TRMO: variants seen among roughly 807,000 people sequenced by gnomAD.
TRMO encodes tRNA methyltransferase O, also known as tRNA (adenine(37)-N6)-methyltransferase.
In TRMO, 30 loss-of-function variants were observed where a neutral mutation model predicts 37.2. The ratio of observed to expected loss-of-function variants is 0.81; its 90% CI spans 0.60 to 1.09. The LOEUF (loss-of-function observed/expected upper bound fraction) is 1.09, where lower values mean the gene tolerates loss of function less well. Ranked by LOEUF, TRMO falls within the 50% of genes least tolerant of loss-of-function variation. The pLI, the probability that TRMO is intolerant of heterozygous loss-of-function variation, is 0.00. For synonymous variants in TRMO, 239 were observed against 199.4 expected (o/e 1.20, Z -1.67); for missense variants, 552 against 549.5 (o/e 1.00, Z -0.05).
intron 1 of TRMO, among the ~76,000 whole-genome samples, chr9:97,921,950 G>A (rs763027716): frequency 5.9e-5 from 9 of 151,960 alleles, no homozygotes; most frequent in Admixed American, 2.0e-4. Context: ...CTATGAAAAC[G>A]TGTGAGTAAA....
At chr9:97,911,613 A>G (rs1826127855) in intron 3 of TRMO, 1 of 152,324 alleles carries the variant, frequency 6.6e-6, no homozygotes, top group East Asian at 1.9e-4. Flanking sequence ...CACATAATAC[A>G]TGTGTGTTGT....
At chr9:97,919,817 C>T (rs1826542182) in intron 1 of TRMO, among the ~76,000 whole-genome samples, 1 of 152,182 alleles carries the variant, frequency 6.6e-6, no homozygotes, top group South Asian at 2.1e-4. Flanking sequence ...CCTCTTTGTG[C>T]ATCTCCTTAA....
intron 4 of TRMO, among the ~76,000 whole-genome samples, chr9:97,908,391 G>A (rs912373880): frequency 9.3e-5 from 13 of 139,154 alleles, no homozygotes; most frequent in South Asian, 4.5e-4. Context: ...CAGCCTGGGC[G>A]ACAGAGCGAG....
intron 1 of TRMO, among the ~76,000 whole-genome samples, chr9:97,921,295 C>A (rs1826617487): frequency 6.6e-6 from 1 of 152,206 alleles, no homozygotes; most frequent in Non-Finnish European, 1.5e-5. Flanking sequence ...GTGGCTCATG[C>A]CTGTAATCCC....
chr9:97,898,645 C>T, the TRMO span, among the ~76,000 whole-genome samples: 26 of 151,992 alleles, frequency 1.7e-4, 1 homozygote, highest in Non-Finnish European at 3.8e-4. Flanking sequence ...CCCTCAGCAG[C>T]CCAAAGTGCT....
At chr9:97,902,885 T>C (rs368070575), downstream of TRMO, among the ~76,000 whole-genome samples, 31 of 152,310 alleles carry the variant, frequency 2.0e-4, 1 homozygote, top group African/African-American at 7.5e-4. Context: ...AGAAGTTAAA[T>C]GAAAAGCTGG....
At position 97,916,341 on chromosome 9, in the gene TRMO, A is replaced by G; in HGVS notation, c.77-3T>C. On this transcript the variant is annotated splice_region_variant and splice_polypyrimidine_tract_variant and intron_variant, in intron 1 of 4. Transcript: ENST00000375119. Reference sequence around the variant, plus strand: ...GACTGGCTCAGTTAAAAGATTCCCTACAGGAGAAAATTAGGTAAAAAGTTA... The same window carrying G: ...GACTGGCTCAGTTAAAAGATTCCCTGCAGGAGAAAATTAGGTAAAAAGTTA... 6.3e-7 allele frequency: 1 copy of G among 1,594,700 alleles called. No individual in the cohort carries two copies. Among genetic ancestry groups the G allele is most frequent in the Non-Finnish European group, 8.5e-7 (1 of 1,172,280 alleles).
chr9:97,911,245 T>A (rs1269057110), intron 3 of TRMO: 3 of 178,954 alleles, frequency 1.7e-5, no homozygotes, highest in Non-Finnish European at 3.6e-5. Flanking sequence ...ATGCTTTTCA[T>A]TAGCACTGCT....
Position 97,904,754 on chromosome 9 carries a change from G to A in TRMO, c.1305C>T (p.Ser435=). 6.2e-7 allele frequency: 1 copy of A among 1,614,020 alleles called. No individual in the cohort carries two copies. The highest frequency in any genetic ancestry group is 1.1e-5 in the South Asian group (1 of 91,076). Residue 435 remains serine, a synonymous_variant, in exon 5 of 5, where the codon TCC becomes TCT. Coordinates refer to ENST00000375119, the MANE Select transcript of TRMO (RefSeq NM_016481.5). ...EPVHMTGPVG[S]LVSLGS ...CTCCTTAAGACCCTAGAGACACCAA[G>A]GACCCCACAGGGCCAGTCATATGAA... is the stretch of plus-strand genomic sequence containing the variant.
chr9:97,921,365 G>C (rs1343695800), intron 1 of TRMO, among the ~76,000 whole-genome samples: 1 of 152,112 alleles, frequency 6.6e-6, no homozygotes, highest in Non-Finnish European at 1.5e-5. Flanking sequence ...AGACCAGCCT[G>C]GGCAACACGG....
downstream of TRMO, among the ~76,000 whole-genome samples, chr9:97,902,860 G>C (rs757879206): frequency 4.6e-5 from 7 of 152,184 alleles, no homozygotes; most frequent in Non-Finnish European, 7.3e-5. Flanking sequence ...ATGTAAGATG[G>C]AACCAACCAC....
intron 4 of TRMO, among the ~76,000 whole-genome samples, chr9:97,905,209 A>G (rs1388951392): frequency 6.6e-6 from 1 of 152,238 alleles, no homozygotes; most frequent in Non-Finnish European, 1.5e-5. Context: ...TTTACTGGAC[A>G]GAAAAATCAT....
chr9:97,916,648 C>T (rs1232272085), intron 1 of TRMO, among the ~76,000 whole-genome samples: 1 of 150,424 alleles, frequency 6.6e-6, no homozygotes, highest in East Asian at 1.9e-4. Context: ...AATTAAAATT[C>T]TATGCTACCA....
In TRMO at chr9:97,913,553, A is replaced by C. The variant is rs1170137502; in HGVS notation, c.257T>G (p.Leu86Trp). Reference sequence around the variant, plus strand: ...ATGACCATTTTTGTGAAAAACAAACAAAATCCTATAGAAAACAAAACAAAA... The same window carrying C: ...ATGACCATTTTTGTGAAAAACAAACCAAATCCTATAGAAAACAAAACAAAA... Reference protein sequence around the residue: ...GLEQFSHVWILFVFHKNGHLS... With the variant: ...GLEQFSHVWIWFVFHKNGHLS... Residue 86 changes from leucine (L) to tryptophan (W), a missense_variant, in exon 3 of 5, where the codon TTG (leucine) becomes TGG (tryptophan). Physicochemically the swap from Leu to Trp is moderately conservative, Grantham distance 61. Transcript: ENST00000375119. 1 of 1,603,802 alleles carries C rather than the reference A, an allele frequency of 6.2e-7. No individual in the cohort carries two copies. The highest frequency in any genetic ancestry group is 8.5e-7 in the Non-Finnish European group (1 of 1,172,172).
At chr9:97,905,059 C>G (rs1284331450) in intron 4 of TRMO, 67 bp from the exon 5 acceptor site, 1 of 1,540,868 alleles carries the variant, frequency 6.5e-7, no homozygotes, top group Non-Finnish European at 8.9e-7. Context: ...CAACAAACTT[C>G]AATATGGAAT....
intron 4 of TRMO, among the ~76,000 whole-genome samples, chr9:97,905,782 A>G (rs1390809588): frequency 6.6e-6 from 1 of 152,176 alleles, no homozygotes; most frequent in Non-Finnish European, 1.5e-5. Context: ...GATTTCTACA[A>G]GCAGCCAAAA....
Position 97,916,252 on chromosome 9 carries a change from A to C in TRMO, c.163T>G (p.Tyr55Asp), listed in dbSNP as rs778874960. ...GTPRQPSICS[Y>D]SRACLRIRKR... ...CTAATCCTCAAACAGGCTCGAGAAT[A>C]GCTACAAATGGATGGCTGTCTTGGA... The change falls in exon 2 of 5, where the codon TAT (tyrosine) becomes GAT (aspartate). Residue 55 changes from tyrosine (Y) to aspartate (D), a missense_variant. Physicochemically the swap from Tyr to Asp is radical, Grantham distance 160. Transcript: ENST00000375119. 1 of 1,613,590 alleles carries C rather than the reference A, an allele frequency of 6.2e-7. No homozygotes were observed. The highest frequency in any genetic ancestry group is 2.2e-5 in the East Asian group (1 of 44,878).
chr9:97,900,526 T>C (rs553107576), downstream of TRMO, among the ~76,000 whole-genome samples: 2 of 152,336 alleles, frequency 1.3e-5, no homozygotes, highest in African/African-American at 4.8e-5. Context: ...ATGTGCTGAA[T>C]CATATGGAAC....
At chr9:97,902,367 C>T (rs1356341740), downstream of TRMO, among the ~76,000 whole-genome samples, 2 of 152,200 alleles carry the variant, frequency 1.3e-5, no homozygotes, top group Non-Finnish European at 2.9e-5. Flanking sequence ...GTGGCACGAT[C>T]TCGGCTCACT....
Sources: gnomAD v4.1 joint callset for allele counts (sites outside exome capture counted in the v4.1 genomes callset) on GRCh38, gnomAD v4.1.1 for gene constraint, MANE v1.5 for transcripts, NCBI Gene and HGNC (gene_info 2026-07-23, HGNC 2026-07-21) for gene names.